Variants in ZNF462 observed in about 807,000 individuals in gnomAD.
ZNF462 encodes zinc finger PBX1-interacting protein.
A neutral mutation model predicts 201.9 loss-of-function variants in ZNF462; 10 were observed. The ratio of observed to expected loss-of-function variants is 0.05; its 90% CI spans 0.03 to 0.08. The LOEUF (loss-of-function observed/expected upper bound fraction) is 0.08, where lower values mean the gene tolerates loss of function less well. Ranked by LOEUF, ZNF462 falls within the 10% of genes least tolerant of loss-of-function variation. The probability of loss-of-function intolerance (pLI) is 1.00; values close to 1 mark genes in which losing one functional copy is unlikely to be tolerated. For synonymous variants in ZNF462, 1,227 were observed against 1,193.3 expected, an observed-to-expected ratio of 1.03 and a Z score of -0.58; for missense variants, 2,523 against 3,168.3, an observed-to-expected ratio of 0.80 and a Z score of 4.89.
chr9:106,952,234 T>C (rs1486455488), intron 7 of ZNF462, among the ~76,000 whole-genome samples: 1 of 152,186 alleles, frequency 6.6e-6, no homozygotes, highest in African/African-American at 2.4e-5. Context: ...ATTTACCCTC[T>C]CTGAGCCTTG....
In ZNF462 at chr9:106,927,132, A is replaced by G. The variant is rs1830227141; in HGVS notation, c.3220A>G (p.Arg1074Gly). The change falls in exon 3 of 13, where the codon AGG becomes GGG. Residue 1074 changes from arginine to glycine, a missense_variant. By Grantham distance (125) the Arg-to-Gly change is moderately radical. Coordinates refer to ENST00000277225, the MANE Select transcript of ZNF462 (RefSeq NM_021224.6). The part of the protein sequence containing the change: ...QKTMRMVSVD[R>G]GSALSQLSFE... Reference sequence around the variant, plus strand: ...AACTATGCGAATGGTGTCTGTGGACAGGGGCTCTGCCCTTTCTCAATTATC... The same window carrying G: ...AACTATGCGAATGGTGTCTGTGGACGGGGGCTCTGCCCTTTCTCAATTATC... The G allele has an allele frequency of 6.2e-7, 1 of 1,614,084 alleles. No individual in the cohort carries two copies. Among genetic ancestry groups the G allele is most frequent in the South Asian group, 1.1e-5 (1 of 91,090 alleles).
At chr9:106,969,266 G>A (rs1182288854) in intron 7 of ZNF462, among the ~76,000 whole-genome samples, 1 of 152,142 alleles carries the variant, frequency 6.6e-6, no homozygotes, top group African/African-American at 2.4e-5. Context: ...CGCATTAGCT[G>A]TTCCTTTTGC....
chr9:106,966,764 C>T lies in ZNF462; in HGVS notation c.6428-5241C>T, dbSNP rs1199710757. ...AATTGAATCATTTGCCCCTTGGCCA[C>T]CTCTAAAATTTGCTTGCCTAAAATT... On this transcript the variant is annotated intron_variant, in intron 7 of 12. Transcript: ENST00000277225. This position sits in a 1 kb window ranked among gnomAD's most constrained non-coding sequence, Gnocchi z 4.4. Among the ~76,000 whole-genome samples, 2 of 152,026 alleles carry T rather than the reference C, an allele frequency of 1.3e-5. No individual in the cohort carries two copies. The highest frequency in any genetic ancestry group is 4.1e-4 in the South Asian group (2 of 4,828).
rs745822067 is a variant in ZNF462 at position 106,928,157 on chromosome 9, G to A, written c.4245G>A (p.Lys1415=). ...DIIKEKDAVE[K]PILSSEELAG... is the part of the protein sequence containing the mutation. The stretch of plus-strand genomic sequence containing the variant: ...TCAAGGAGAAAGATGCTGTGGAGAA[G>A]CCCATTCTTTCATCCGAAGAGTTGG... Residue 1415 remains lysine (K), a synonymous_variant, in exon 3 of 13, where the codon AAG becomes AAA. Transcript: ENST00000277225. This position sits in a 1 kb window ranked among gnomAD's most constrained non-coding sequence, Gnocchi z 9.3. The A allele has an allele frequency of 8.1e-6, 13 of 1,614,196 alleles. No homozygotes were observed. Among genetic ancestry groups the A allele is most frequent in the South Asian group, 1.1e-5 (1 of 91,082 alleles).
upstream of ZNF462, among the ~76,000 whole-genome samples, chr9:106,860,285 C>A (rs1212581760): frequency 6.6e-6 from 1 of 152,168 alleles, no homozygotes; most frequent in South Asian, 2.1e-4. This position sits in a 1 kb window ranked among gnomAD's most constrained non-coding sequence, Gnocchi z 7.1. Flanking sequence ...GCAGTCGGTC[C>A]GCCAGCCGCT....
At chr9:106,900,764 G>A (rs1728358696) in intron 1 of ZNF462, among the ~76,000 whole-genome samples, 1 of 151,996 alleles carries the variant, frequency 6.6e-6, no homozygotes, top group South Asian at 2.1e-4. Context: ...GTTTGAATTT[G>A]TTGTAGTTTC....
Position 106,931,777 on chromosome 9 carries a change from C to T in ZNF462, c.6013-669C>T, listed in dbSNP as rs189714909. Among the ~76,000 whole-genome samples the T allele has an allele frequency of 6.6e-4, 101 of 152,324 alleles. 1 individual carries two copies. The highest frequency in any genetic ancestry group is 2.4e-3 in the African/African-American group (99 of 41,560). On this transcript the variant is annotated intron_variant, in intron 4 of 12. Coordinates refer to ENST00000277225, the MANE Select transcript of ZNF462 (RefSeq NM_021224.6). ...AGTCTCCAGTCATAGAGTGAAGTCA[C>T]CATCTACAGGGTAGGGGGCAGACAG...
chr9:106,908,910 C>CATACATAT (rs1554699359), intron 1 of ZNF462, among the ~76,000 whole-genome samples: 2 of 43,978 alleles, frequency 4.5e-5, no homozygotes, highest in East Asian at 1.8e-3. Context: ...CCCATATATA[C>CATACATAT]ATATATATAT....
In ZNF462 at chr9:107,010,883, G is replaced by A. The variant is rs1422784358; in HGVS notation, c.7374G>A (p.Glu2458=). 1 of 1,613,538 alleles carries A rather than the reference G, an allele frequency of 6.2e-7. No homozygotes were observed. Among genetic ancestry groups the A allele is most frequent in the South Asian group, 1.1e-5 (1 of 91,056 alleles). The change falls in exon 13 of 13, where the codon GAG becomes GAA. Residue 2458 remains glutamate, a synonymous_variant. Transcript: ENST00000277225. This position sits in a 1 kb window ranked among gnomAD's most constrained non-coding sequence, Gnocchi z 4.6. ...REEIHPKEIM[E]NSVKMPSIEE... Reference sequence around the variant, plus strand: ...AAATCCACCCAAAAGAGATCATGGAGAACAGTGTTAAAATGCCCTCCATAG... The same window carrying A: ...AAATCCACCCAAAAGAGATCATGGAAAACAGTGTTAAAATGCCCTCCATAG...
At chr9:106,879,008 A>G (rs1480054021) in intron 1 of ZNF462, among the ~76,000 whole-genome samples, 1 of 152,220 alleles carries the variant, frequency 6.6e-6, no homozygotes, top group Non-Finnish European at 1.5e-5. Flanking sequence ...TTTGGTCCCA[A>G]GAGGCAAACA....
At chr9:106,971,952 G>A (rs142632687) in intron 7 of ZNF462, 53 bp from the exon 8 acceptor site, 4 of 1,552,920 alleles carry the variant, frequency 2.6e-6, no homozygotes, top group East Asian at 4.5e-5. Flanking sequence ...TTCAAGCATC[G>A]ATCACCTACT....
In ZNF462 at chr9:106,938,397, A is replaced by T. The variant is rs766466731; in HGVS notation, c.6236-519A>T. Among the ~76,000 whole-genome samples the T allele has an allele frequency of 6.6e-6, 1 of 152,180 alleles. No individual in the cohort carries two copies. The highest frequency in any genetic ancestry group is 1.5e-5 in the Non-Finnish European group (1 of 68,022). ...CAAAAATATATATATGTGGGATGAGAATGTGTATAGTTAGCAAGGAAGTAC... is the reference window on the plus strand; with the variant it reads ...CAAAAATATATATATGTGGGATGAGTATGTGTATAGTTAGCAAGGAAGTAC... On this transcript the variant is annotated intron_variant, in intron 6 of 12. Coordinates refer to ENST00000277225, the MANE Select transcript of ZNF462 (RefSeq NM_021224.6). The surrounding 1 kb of genome is among the most constrained non-coding windows in gnomAD (Gnocchi z 4.4).
intron 1 of ZNF462, among the ~76,000 whole-genome samples, chr9:106,879,096 G>A (rs1421857859): frequency 1.3e-5 from 2 of 152,198 alleles, no homozygotes; most frequent in Non-Finnish European, 1.5e-5. Flanking sequence ...TGACGCACTG[G>A]TAATGTGTCC....
intron 1 of ZNF462, among the ~76,000 whole-genome samples, chr9:106,901,143 C>G (rs185891787): frequency 6.6e-6 from 1 of 152,232 alleles, no homozygotes; most frequent in East Asian, 1.9e-4. Context: ...TGGATAATTT[C>G]AACAAATTTC....
At chr9:106,863,564 A>G (rs1827150802) in intron 1 of ZNF462, among the ~76,000 whole-genome samples, 1 of 135,668 alleles carries the variant, frequency 7.4e-6, no homozygotes, top group African/African-American at 2.8e-5. Flanking sequence ...GGAGAGCAGG[A>G]GGGGGAGGAG....
rs895745638 is a variant in ZNF462 at position 107,005,811 on chromosome 9, T to C, written c.7189+2385T>C. Among the ~76,000 whole-genome samples the C allele has an allele frequency of 1.5e-4, 23 of 152,212 alleles. No homozygotes were observed. The highest frequency in any genetic ancestry group is 3.2e-3 in the Middle Eastern group (1 of 316). On this transcript the variant is annotated intron_variant, in intron 11 of 12. Transcript: ENST00000277225. The surrounding 1 kb of genome is among the most constrained non-coding windows in gnomAD (Gnocchi z 4.4). ...TGTTTTTGTCTAGTAGTTTTATAGT[T>C]TCAGGTCTTATATTCAAGTTTTTAA...
rs747382102 is a variant in ZNF462, at chr9:107,010,627, A to C, written c.7314-196A>C. Among the ~76,000 whole-genome samples the C allele has an allele frequency of 6.6e-6, 1 of 152,210 alleles. No individual in the cohort carries two copies. Among genetic ancestry groups the C allele is most frequent in the African/African-American group, 2.4e-5 (1 of 41,458 alleles). ...TCAAATCTTTAAGATACAGAAATAT[A>C]TGACTTAAGCAAAACATAGCAGGGA... is the stretch of plus-strand genomic sequence containing the variant. On this transcript the variant is annotated intron_variant, in intron 12 of 12. Coordinates refer to ENST00000277225, the MANE Select transcript of ZNF462 (RefSeq NM_021224.6). The surrounding 1 kb of genome is among the most constrained non-coding windows in gnomAD (Gnocchi z 4.6).
At chr9:106,909,241 G>C (rs561664798) in intron 1 of ZNF462, among the ~76,000 whole-genome samples, 1 of 126,964 alleles carries the variant, frequency 7.9e-6, no homozygotes, top group African/African-American at 4.3e-5. Flanking sequence ...GGGATTACAG[G>C]CCCGTTAATA....
chr9:106,891,846 G>A (rs1828592741), intron 1 of ZNF462, among the ~76,000 whole-genome samples: 2 of 152,068 alleles, frequency 1.3e-5, no homozygotes, highest in African/African-American at 4.8e-5. Context: ...AGTCCTGAGA[G>A]ACCCATCCAT....
Sources: gnomAD v4.1 joint callset for allele counts (sites outside exome capture counted in the v4.1 genomes callset) on GRCh38, gnomAD v4.1.1 for gene constraint, Gnocchi (gnomAD v3.1) non-coding constraint, MANE v1.5 for transcripts, NCBI Gene and HGNC (gene_info 2026-07-23, HGNC 2026-07-21) for gene names.